The following RBFOX1 variants were observed in gnomAD, a reference collection of about 807,000 sequenced individuals.
The protein encoded by RBFOX1 is RNA binding fox-1 homolog 1, also known as RNA binding protein fox-1 homolog 1.
Under a neutral mutation model 57.7 loss-of-function variants are expected in RBFOX1, and 8 were observed. The ratio of observed to expected loss-of-function variants is 0.14; its 90% CI spans 0.08 to 0.25. The LOEUF is 0.25. Among genes scored for constraint, RBFOX1 ranks in the 10% least tolerant of loss-of-function variants. RBFOX1 has a pLI of 1.00. For missense variants in RBFOX1, 611 were observed against 548.5 expected (o/e 1.11, Z -1.14); for synonymous variants, 326 against 222.4 (o/e 1.47, Z -4.15).
At chr16:7,283,766 T>C (rs1345020717) in intron 4 of RBFOX1, among the ~76,000 whole-genome samples, 1 of 152,188 alleles carries the variant, frequency 6.6e-6, no homozygotes, top group Non-Finnish European at 1.5e-5. Context: ...TGTCATCAGA[T>C]CATTGCATCA....
At chr16:5,632,940 C>CTTTTTTTT (rs71142634) in intron 3 of RBFOX1, among the ~76,000 whole-genome samples, 2 of 125,616 alleles carry the variant, frequency 1.6e-5, no homozygotes, top group African/African-American at 3.1e-5. Flanking sequence ...TTAACAACTC[C>CTTTTTTTT]TTTTTTTTTT....
chr16:6,332,248 C>T lies in RBFOX1; in HGVS notation c.-64+15191C>T, dbSNP rs900834114. On this transcript the variant is annotated intron_variant, in intron 2 of 15. Transcript: ENST00000550418. Reference sequence around the variant, plus strand: ...GAGACTTGTATGGCAACGTAGAAGGCGGGAAGAGCTAAATTCGATCAACCA... The same window carrying T: ...GAGACTTGTATGGCAACGTAGAAGGTGGGAAGAGCTAAATTCGATCAACCA... 4.6e-5 allele frequency among the ~76,000 whole-genome samples: 7 copies of T among 152,204 alleles called. No homozygotes were observed. In the East Asian group the frequency reaches 5.8e-4, roughly 13 times the overall value.
chr16:6,520,546 T>C (rs2096478248), intron 2 of RBFOX1, among the ~76,000 whole-genome samples: 1 of 146,124 alleles, frequency 6.8e-6, no homozygotes. Context: ...TATTTGTTTA[T>C]AAGCAAAAAA....
At chr16:7,312,929 T>A (rs2096350774) in intron 4 of RBFOX1, among the ~76,000 whole-genome samples, 1 of 151,556 alleles carries the variant, frequency 6.6e-6, no homozygotes, top group South Asian at 2.1e-4. Context: ...GGCCCCAGGG[T>A]GCCTGGGTGC....
intron 2 of RBFOX1, among the ~76,000 whole-genome samples, chr16:6,476,088 T>C (rs1386433293): frequency 6.6e-6 from 1 of 152,202 alleles, no homozygotes; most frequent in Non-Finnish European, 1.5e-5. Context: ...AAAAAAATGT[T>C]ATTGGTACAA....
intron 1 of RBFOX1, among the ~76,000 whole-genome samples, chr16:6,083,488 G>A (rs764079702): frequency 6.6e-6 from 1 of 151,584 alleles, no homozygotes; most frequent in Admixed American, 6.6e-5. Flanking sequence ...TTTTGGTTTT[G>A]GTTTTTGAGA....
At chr16:6,781,547 A>C (rs1464565060) in intron 3 of RBFOX1, among the ~76,000 whole-genome samples, 2 of 152,124 alleles carry the variant, frequency 1.3e-5, no homozygotes, top group African/African-American at 2.4e-5. Flanking sequence ...CAGTGAAGCC[A>C]TCAAGTCCTG....
chr16:6,230,665 C>T (rs544599881), intron 1 of RBFOX1, among the ~76,000 whole-genome samples: 14 of 152,254 alleles, frequency 9.2e-5, no homozygotes, highest in Middle Eastern at 3.4e-3. Flanking sequence ...AATTTCTTCA[C>T]GCATAACAAT....
chr16:7,067,951 A>ATTT lies in RBFOX1; in HGVS notation c.27+15869_27+15871dup, dbSNP rs60401242. Reference sequence around the variant, plus strand: ...TCATTCCTAGTGTCTAGAGGGCGCCATTTTTTTTTTTTTTTTTTGTAATTC... The same window carrying ATTT: ...TCATTCCTAGTGTCTAGAGGGCGCCATTTTTTTTTTTTTTTTTTTTTGTAATTC... On this transcript the variant is annotated intron_variant, in intron 4 of 15. Coordinates refer to ENST00000550418, the MANE Select transcript of RBFOX1 (RefSeq NM_018723.4). Among the ~76,000 whole-genome samples, 687 of 121,146 alleles carry ATTT rather than the reference A, an allele frequency of 5.7e-3. 4 individuals are homozygous for ATTT. Among genetic ancestry groups the ATTT allele is most frequent in the Non-Finnish European group, 9.5e-3 (557 of 58,414 alleles). The allele number at this position is 121,146 out of a possible 152,430, so 79.5% of individuals were successfully genotyped here. A position where few individuals can be genotyped will look rare whatever the true frequency, so the allele number is the denominator to read the frequency against.
chr16:7,269,985 T>A (rs1017774980), intron 4 of RBFOX1, among the ~76,000 whole-genome samples: 1 of 152,228 alleles, frequency 6.6e-6, no homozygotes, highest in Non-Finnish European at 1.5e-5. Context: ...GTTTAAACCT[T>A]CCCCTTTTCA....
At chr16:6,368,228 C>G (rs1399582919) in intron 2 of RBFOX1, among the ~76,000 whole-genome samples, 2 of 152,112 alleles carry the variant, frequency 1.3e-5, no homozygotes, top group African/African-American at 4.8e-5. Context: ...TTGAAAATAT[C>G]TCACAGCTAG....
chr16:6,023,108 G>T (rs2095116435), intron 1 of RBFOX1, among the ~76,000 whole-genome samples: 1 of 152,070 alleles, frequency 6.6e-6, no homozygotes, highest in Non-Finnish European at 1.5e-5. Flanking sequence ...CAGTAATGTT[G>T]TAATAAATCT....
intron 4 of RBFOX1, among the ~76,000 whole-genome samples, chr16:7,113,083 A>T (rs1025441700): frequency 6.6e-6 from 1 of 152,174 alleles, no homozygotes; most frequent in Admixed American, 6.5e-5. Context: ...AATTTTTCCT[A>T]TTGCTTCAGG....
chr16:5,949,487 G>A (rs1380916997), intron 4 of RBFOX1, among the ~76,000 whole-genome samples: 1 of 143,720 alleles, frequency 7.0e-6, no homozygotes, highest in Non-Finnish European at 1.5e-5. Context: ...GATCACGCCA[G>A]TGCACTCTAG....
At chr16:6,432,357 C>G (rs1226306290) in intron 2 of RBFOX1, among the ~76,000 whole-genome samples, 3 of 152,026 alleles carry the variant, frequency 2.0e-5, no homozygotes, top group Admixed American at 6.6e-5. Context: ...AAGCTTGTAT[C>G]TCAAAATCTT....
chr16:6,336,179 ATATTTTTTTTTTTTTTTTTTTTT>A (rs1162202216), intron 2 of RBFOX1, among the ~76,000 whole-genome samples: 2 of 25,016 alleles, frequency 8.0e-5, no homozygotes, highest in African/African-American at 3.3e-4. Context: ...ATATATATAT[ATATTTTTTTTTTTTTTTTTTTTT>A]TTTTTTTTTT....
intron 2 of RBFOX1, among the ~76,000 whole-genome samples, chr16:6,346,438 C>G (rs1316527523): frequency 5.9e-5 from 9 of 152,294 alleles, no homozygotes; most frequent in African/African-American, 2.2e-4. Flanking sequence ...CTCAGCCAAT[C>G]ACGGCAGCTC....
At chr16:7,683,523 G>T (rs2075381276) in intron 14 of RBFOX1, among the ~76,000 whole-genome samples, 1 of 152,072 alleles carries the variant, frequency 6.6e-6, no homozygotes, top group Non-Finnish European at 1.5e-5. Flanking sequence ...CCAAGGAGTT[G>T]GGGAGAGATT....
intron 1 of RBFOX1, among the ~76,000 whole-genome samples, chr16:5,392,573 G>C (rs762643386): frequency 6.8e-6 from 1 of 148,010 alleles, no homozygotes. Context: ...GGGTCTCATC[G>C]TGTCACCCAG....
Sources: allele counts gnomAD v4.1 joint callset (sites outside exome capture counted in the v4.1 genomes callset), GRCh38; gene constraint gnomAD v4.1.1; transcripts MANE v1.5; gene names NCBI Gene and HGNC (gene_info 2026-07-23, HGNC 2026-07-21).